RAB8B: variants seen among roughly 807,000 people sequenced by gnomAD.
RAB8B encodes the protein RAB8B, member RAS oncogene family.
In RAB8B, 11 loss-of-function variants were observed where a neutral mutation model predicts 32.0. The observed-to-expected ratio is 0.34, with a 90% CI of 0.22 to 0.57. The LOEUF is 0.57. RAB8B is among the 20% of genes least tolerant of loss of function. The probability of loss-of-function intolerance (pLI) is 0.86; values close to 1 mark genes in which losing one functional copy is unlikely to be tolerated. For synonymous variants in RAB8B, 103 were observed against 89.6 expected, an observed-to-expected ratio of 1.15 and a Z score of -0.85; for missense variants, 190 against 258.5, an observed-to-expected ratio of 0.73 and a Z score of 1.82.
In RAB8B at chr15:63,193,794, G is replaced by A. The variant is rs534152412; in HGVS notation, c.124+4046G>A. 2.6e-3 allele frequency among the ~76,000 whole-genome samples: 394 copies of A among 151,320 alleles called. 8 individuals are homozygous for A. The highest frequency in any genetic ancestry group is 0.018 in the South Asian group (85 of 4,780). On this transcript the variant is annotated intron_variant, in intron 1 of 7. Transcript: ENST00000321437. ...CCACTGCATTCCAGCCTGGGCGACA[G>A]AGCAAGACTCCATCTCAAAAAACAA...
At chr15:63,222,230 G>A (rs2037850479) in intron 1 of RAB8B, among the ~76,000 whole-genome samples, 1 of 152,160 alleles carries the variant, frequency 6.6e-6, no homozygotes, top group African/African-American at 2.4e-5. Flanking sequence ...GTGACTCTAT[G>A]TCTTCAGTTC....
rs368594258 is a variant in RAB8B at position 63,263,617 on chromosome 15, T to G, written c.622T>G (p.Ter208GlyextTer1). The change falls in exon 8 of 8, where the codon TGA becomes GGA. Residue 208 changes from the stop codon to glycine, a stop_lost. Transcript: ENST00000321437. The part of the protein sequence containing the change: ...KTSFFRCSLL[*>G] ...CAGTTTCTTTCGTTGCTCGCTACTTTGATGAACTCTTTCTGAGAGACTGCA... is the reference window on the plus strand; with the variant it reads ...CAGTTTCTTTCGTTGCTCGCTACTTGGATGAACTCTTTCTGAGAGACTGCA... 24 of 1,601,442 alleles carry G rather than the reference T, an allele frequency of 1.5e-5. No individual in the cohort carries two copies. The highest frequency in any genetic ancestry group is 4.0e-5 in the African/African-American group (3 of 74,612).
At chr15:63,223,414 T>C (rs1279593986) in intron 1 of RAB8B, among the ~76,000 whole-genome samples, 2 of 152,186 alleles carry the variant, frequency 1.3e-5, no homozygotes, top group Non-Finnish European at 2.9e-5. Context: ...CCAGCCACCA[T>C]TTTTTATCTT....
chr15:63,242,272 T>G (rs2038038562), intron 1 of RAB8B, among the ~76,000 whole-genome samples: 1 of 151,796 alleles, frequency 6.6e-6, no homozygotes, highest in African/African-American at 2.4e-5. Flanking sequence ...TTCGGTTGGT[T>G]TATGTCTATG....
rs1210480762 is a variant in RAB8B at position 63,219,639 on chromosome 15, T to C, written c.125-25117T>C. Among the ~76,000 whole-genome samples, 6 of 152,230 alleles carry C rather than the reference T, an allele frequency of 3.9e-5. No homozygotes were observed. In the East Asian group the frequency reaches 1.2e-3, roughly 29 times the overall value. On this transcript the variant is annotated intron_variant, in intron 1 of 7. Coordinates refer to ENST00000321437, the MANE Select transcript of RAB8B (RefSeq NM_016530.3). ...GTGTTGTTATATAAAAATTATTTCT[T>C]ACCAGTGGGTTAAAAAAGGCAGAAA...
chr15:63,253,575 G>A (rs527467869), intron 3 of RAB8B, among the ~76,000 whole-genome samples: 3 of 152,214 alleles, frequency 2.0e-5, no homozygotes, highest in South Asian at 2.1e-4. Context: ...TCAGCAGCTC[G>A]GGAGGCGGAG....
At chr15:63,224,148 A>ATATTT (rs2141123701) in intron 1 of RAB8B, among the ~76,000 whole-genome samples, 1 of 152,350 alleles carries the variant, frequency 6.6e-6, no homozygotes, top group East Asian at 1.9e-4. Flanking sequence ...CCAGCTGGCC[A>ATATTT]TATTTTATTT....
chr15:63,246,075 T>C (rs778630992), intron 2 of RAB8B, among the ~76,000 whole-genome samples: 12 of 152,182 alleles, frequency 7.9e-5, no homozygotes, highest in Non-Finnish European at 1.6e-4. Flanking sequence ...GGTTTCTCCA[T>C]GTTAGCCAGC....
chr15:63,223,456 G>T (rs2037861559), intron 1 of RAB8B, among the ~76,000 whole-genome samples: 1 of 152,050 alleles, frequency 6.6e-6, no homozygotes, highest in Admixed American at 6.6e-5. Context: ...CTTTTTCTAT[G>T]TTTAGATATG....
intron 1 of RAB8B, among the ~76,000 whole-genome samples, chr15:63,222,195 A>G (rs2037850106): frequency 6.6e-6 from 1 of 152,090 alleles, no homozygotes; most frequent in African/African-American, 2.4e-5. Context: ...TTCTCACTGG[A>G]CAGGACCACC....
intron 1 of RAB8B, among the ~76,000 whole-genome samples, chr15:63,215,500 A>G (rs139896729): frequency 6.6e-6 from 1 of 152,314 alleles, no homozygotes; most frequent in African/African-American, 2.4e-5. Flanking sequence ...TTAGTCTTCG[A>G]AGGAACTGAG....
rs553428825 is a variant in RAB8B at position 63,259,901 on chromosome 15, C to T, written c.480+209C>T. ...CCAGGCTGGAATGCAGTGGCATGAT[C>T]TCGGCTCACTGCAACCTCTGCCTCC... On this transcript the variant is annotated intron_variant, in intron 6 of 7. Coordinates refer to ENST00000321437, the MANE Select transcript of RAB8B (RefSeq NM_016530.3). This position sits in a 1 kb window ranked among gnomAD's most constrained non-coding sequence, Gnocchi z 4.4. Among the ~76,000 whole-genome samples the T allele has an allele frequency of 1.1e-4, 17 of 151,834 alleles. No individual in the cohort carries two copies. The South Asian group carries it at 2.1e-3, about 19-fold the overall frequency.
chr15:63,215,924 G>A (rs1041288502), intron 1 of RAB8B, among the ~76,000 whole-genome samples: 4 of 151,912 alleles, frequency 2.6e-5, no homozygotes, highest in African/African-American at 9.7e-5. Flanking sequence ...TGTGGTCCCA[G>A]CTACTCTGGC....
chr15:63,230,354 T>G (rs1339006725), intron 1 of RAB8B, among the ~76,000 whole-genome samples: 1 of 152,122 alleles, frequency 6.6e-6, no homozygotes, highest in African/African-American at 2.4e-5. Context: ...CAGGCTGGAG[T>G]GCAGTGGCTT....
chr15:63,226,701 C>T (rs1311622892), intron 1 of RAB8B, among the ~76,000 whole-genome samples: 1 of 152,100 alleles, frequency 6.6e-6, no homozygotes, highest in Non-Finnish European at 1.5e-5. Flanking sequence ...CTTTGTGTTA[C>T]AGGAAAGGGG....
chr15:63,236,388 G>A (rs1313088360), intron 1 of RAB8B, among the ~76,000 whole-genome samples: 1 of 152,116 alleles, frequency 6.6e-6, no homozygotes, highest in Non-Finnish European at 1.5e-5. Flanking sequence ...AAAAATGAGT[G>A]TTGAGGTATA....
intron 1 of RAB8B, among the ~76,000 whole-genome samples, chr15:63,209,561 A>G (rs994585344): frequency 1.1e-4 from 17 of 152,176 alleles, no homozygotes; most frequent in African/African-American, 4.1e-4. Flanking sequence ...ACTGCACTCC[A>G]GCCTGGGAGA....
rs140183003 is a variant in RAB8B, at chr15:63,260,978, G to A, written c.480+1286G>A. 2.3e-3 allele frequency among the ~76,000 whole-genome samples: 352 copies of A among 152,238 alleles called. 3 individuals are homozygous for A. The highest frequency in any genetic ancestry group is 7.9e-3 in the African/African-American group (327 of 41,552). Reference sequence around the variant, plus strand: ...TAACAGTTATTTGTTTAGGTTGGCCGATGGGTGTTAGGAAACAGGAAGCCT... The same window carrying A: ...TAACAGTTATTTGTTTAGGTTGGCCAATGGGTGTTAGGAAACAGGAAGCCT... On this transcript the variant is annotated intron_variant, in intron 6 of 7. Coordinates refer to ENST00000321437, the MANE Select transcript of RAB8B (RefSeq NM_016530.3).
At chr15:63,205,098 G>A (rs985385179) in intron 1 of RAB8B, among the ~76,000 whole-genome samples, 1 of 152,166 alleles carries the variant, frequency 6.6e-6, no homozygotes, top group Non-Finnish European at 1.5e-5. Flanking sequence ...AGGAGTTTGA[G>A]ACCAGCCTGG....
Sources: allele counts gnomAD v4.1 joint callset (sites outside exome capture counted in the v4.1 genomes callset), GRCh38; gene constraint gnomAD v4.1.1; non-coding constraint Gnocchi (gnomAD v3.1); transcripts MANE v1.5; gene names NCBI Gene and HGNC (gene_info 2026-07-23, HGNC 2026-07-21).